ITPR2: variants seen among roughly 807,000 people sequenced by gnomAD.
ITPR2 encodes inositol 1,4,5-trisphosphate-gated calcium channel ITPR2.
Under a neutral mutation model 317.1 loss-of-function variants are expected in ITPR2, and 207 were observed. That is an observed-to-expected ratio of 0.65 (90% confidence interval 0.58 to 0.73). ITPR2 has a LOEUF of 0.73. Among genes scored for constraint, ITPR2 ranks in the 30% least tolerant of loss-of-function variants. ITPR2 has a pLI of 0.00. For missense variants in ITPR2, 2,613 were observed against 3,284.0 expected (o/e 0.80, Z 4.99); for synonymous variants, 1,156 against 1,149.1 (o/e 1.01, Z -0.12).
At chr12:26,724,601 A>G in intron 4 of ITPR2, 55 bp downstream of exon 4, 9 of 1,130,446 alleles carry the variant, frequency 8.0e-6, no homozygotes, top group Non-Finnish European at 1.1e-5. Flanking sequence ...TTTCCTGCCA[A>G]CTTACTGACA....
intron 1 of ITPR2, among the ~76,000 whole-genome samples, chr12:26,796,930 G>C (rs569792233): frequency 1.3e-5 from 2 of 152,158 alleles, no homozygotes; most frequent in Admixed American, 1.3e-4. Flanking sequence ...CCAGCTACTC[G>C]GGAGGCTGAG....
intron 39 of ITPR2, among the ~76,000 whole-genome samples, chr12:26,490,413 T>A (rs1024707497): frequency 6.6e-6 from 1 of 152,244 alleles, no homozygotes; most frequent in African/African-American, 2.4e-5. Flanking sequence ...ACCCCAAGAT[T>A]GGTCCAGACA....
At chr12:26,766,073 C>T (rs918933754) in intron 2 of ITPR2, among the ~76,000 whole-genome samples, 2 of 152,082 alleles carry the variant, frequency 1.3e-5, no homozygotes, top group Admixed American at 6.6e-5. Context: ...GTTTCCACTT[C>T]GAGCTATTAT....
chr12:26,345,193 A>G (rs1254904715), intron 55 of ITPR2, among the ~76,000 whole-genome samples: 6 of 152,158 alleles, frequency 3.9e-5, no homozygotes, highest in African/African-American at 1.2e-4. Context: ...AACAACTTAA[A>G]TTGATTGCTT....
chr12:26,421,035 A>C (rs1439569687), intron 49 of ITPR2, among the ~76,000 whole-genome samples: 1 of 152,178 alleles, frequency 6.6e-6, no homozygotes, highest in Non-Finnish European at 1.5e-5. Flanking sequence ...TATGTTTAAG[A>C]CACATTGTTT....
chr12:26,410,527 A>T (rs148003931), intron 52 of ITPR2, among the ~76,000 whole-genome samples: 2 of 152,332 alleles, frequency 1.3e-5, no homozygotes, highest in East Asian at 3.9e-4. Flanking sequence ...CTCCGCACCT[A>T]CACTATGCTT....
chr12:26,731,126 A>G (rs1350434809), intron 2 of ITPR2, among the ~76,000 whole-genome samples: 1 of 151,534 alleles, frequency 6.6e-6, no homozygotes, highest in Non-Finnish European at 1.5e-5. Context: ...ATGGTGGAAA[A>G]AAAAAATTGG....
intron 55 of ITPR2, among the ~76,000 whole-genome samples, chr12:26,361,738 C>T (rs779618554): frequency 5.3e-5 from 8 of 152,128 alleles, no homozygotes; most frequent in Non-Finnish European, 1.0e-4. Flanking sequence ...ACATTGAAAA[C>T]GTGATTTAAA....
chr12:26,680,669 A>G (rs372537284), intron 13 of ITPR2, among the ~76,000 whole-genome samples: 1 of 152,346 alleles, frequency 6.6e-6, no homozygotes, highest in East Asian at 1.9e-4. Context: ...TGTTAAATTT[A>G]GCCACGCCAT....
At chr12:26,786,771 T>G (rs1329530985) in intron 2 of ITPR2, among the ~76,000 whole-genome samples, 1 of 152,208 alleles carries the variant, frequency 6.6e-6, no homozygotes, top group Non-Finnish European at 1.5e-5. Flanking sequence ...ATGATTCACT[T>G]GAACAAATCA....
chr12:26,741,639 G>A (rs1307065015), intron 2 of ITPR2, among the ~76,000 whole-genome samples: 3 of 152,208 alleles, frequency 2.0e-5, no homozygotes, highest in African/African-American at 4.8e-5. Context: ...CATGGAGGTC[G>A]ACAAATCCCC....
At chr12:26,595,620 T>C (rs957640493) in intron 31 of ITPR2, 30 bp from the exon 32 acceptor site, 2 of 1,515,236 alleles carry the variant, frequency 1.3e-6, no homozygotes, top group African/African-American at 2.9e-5. Flanking sequence ...AAAAGAAAGT[T>C]AGTTTTCTTT....
At chr12:26,673,776 G>C (rs1947845759) in intron 13 of ITPR2, among the ~76,000 whole-genome samples, 1 of 146,504 alleles carries the variant, frequency 6.8e-6, no homozygotes, top group Non-Finnish European at 1.5e-5. Flanking sequence ...CAGATGACAT[G>C]ATTGTATATC....
intron 53 of ITPR2, among the ~76,000 whole-genome samples, chr12:26,399,468 T>C (rs1263271367): frequency 2.0e-5 from 3 of 152,306 alleles, no homozygotes; most frequent in African/African-American, 7.2e-5. Context: ...CCATACAGGG[T>C]CAAGTATATA....
chr12:26,544,762 T>A (rs1331612540), intron 37 of ITPR2, among the ~76,000 whole-genome samples: 2 of 152,106 alleles, frequency 1.3e-5, no homozygotes, highest in Non-Finnish European at 2.9e-5. Flanking sequence ...GTTTGAGTTT[T>A]CTGTTTTGAT....
intron 13 of ITPR2, among the ~76,000 whole-genome samples, chr12:26,671,619 G>T (rs1947774368): frequency 6.6e-6 from 1 of 152,078 alleles, no homozygotes; most frequent in South Asian, 2.1e-4. Context: ...AGACCATCGA[G>T]ACTAGGAAGA....
intron 2 of ITPR2, among the ~76,000 whole-genome samples, chr12:26,778,775 T>C (rs1235329688): frequency 6.6e-6 from 1 of 152,218 alleles, no homozygotes; most frequent in African/African-American, 2.4e-5. Flanking sequence ...TGTGAGACAT[T>C]TGCGTGCCAG....
At chr12:26,573,695 G>A (rs1156270753) in intron 34 of ITPR2, among the ~76,000 whole-genome samples, 1 of 152,184 alleles carries the variant, frequency 6.6e-6, no homozygotes, top group African/African-American at 2.4e-5. Context: ...CAAACAGAGG[G>A]AATGGCATAT....
chr12:26,555,597 C>T (rs1026045000), intron 36 of ITPR2, among the ~76,000 whole-genome samples: 2 of 152,208 alleles, frequency 1.3e-5, no homozygotes, highest in African/African-American at 4.8e-5. Flanking sequence ...GATGAAGATA[C>T]TCTAGGGTAA....
Sources: allele counts gnomAD v4.1 joint callset (sites outside exome capture counted in the v4.1 genomes callset), GRCh38; gene constraint gnomAD v4.1.1; transcripts MANE v1.5; gene names NCBI Gene and HGNC (gene_info 2026-07-23, HGNC 2026-07-21).